PCDH15: variants seen among roughly 807,000 people sequenced by gnomAD.
PCDH15 encodes protocadherin related 15, also known as protocadherin-15.
A neutral mutation model predicts 178.5 loss-of-function variants in PCDH15; 129 were observed. The observed-to-expected ratio is 0.72, with a 90% CI of 0.63 to 0.84. The LOEUF is 0.84. Among genes scored for constraint, PCDH15 ranks in the 40% least tolerant of loss-of-function variants. The pLI is 0.00. For synonymous variants in PCDH15, 800 were observed against 732.0 expected (o/e 1.09, Z -1.50); for missense variants, 2,230 against 2,099.9 (o/e 1.06, Z -1.21).
At chr10:54,793,681 C>CAT (rs993933665) in intron 1 of PCDH15, among the ~76,000 whole-genome samples, 3 of 147,858 alleles carry the variant, frequency 2.0e-5, no homozygotes, top group African/African-American at 4.9e-5. Flanking sequence ...TATATACACA[C>CAT]ATATATATAC....
chr10:54,986,580 G>A (rs1270303363), intron 2 of PCDH15, among the ~76,000 whole-genome samples: 1 of 152,090 alleles, frequency 6.6e-6, no homozygotes, highest in African/African-American at 2.4e-5. Context: ...TAATGAATCA[G>A]TGCTATGATT....
chr10:54,964,981 A>C (rs1838745996), intron 2 of PCDH15, among the ~76,000 whole-genome samples: 1 of 152,196 alleles, frequency 6.6e-6, no homozygotes, highest in African/African-American at 2.4e-5. Context: ...AATTTGTAGA[A>C]TACTTGAAGT....
chr10:54,169,954 T>C (rs1293440457), intron 13 of PCDH15, among the ~76,000 whole-genome samples: 1 of 151,130 alleles, frequency 6.6e-6, no homozygotes, highest in South Asian at 2.1e-4. Flanking sequence ...CCATATACTC[T>C]CCTATCCTCA....
chr10:54,003,450 T>C (rs188537372), intron 20 of PCDH15, among the ~76,000 whole-genome samples: 8 of 152,070 alleles, frequency 5.3e-5, no homozygotes, highest in Admixed American at 5.2e-4. Context: ...CTGCAGAGAT[T>C]CAAGGGATCA....
chr10:54,652,811 T>C (rs2094292221), intron 2 of PCDH15, among the ~76,000 whole-genome samples: 1 of 152,116 alleles, frequency 6.6e-6, no homozygotes, highest in African/African-American at 2.4e-5. Flanking sequence ...AAATTTCTGT[T>C]GTTTAAGCCA....
At position 53,911,884 on chromosome 10, in the gene PCDH15, C is replaced by G. The variant is rs555007974; in HGVS notation, c.3374-8514G>C. Among the ~76,000 whole-genome samples, 12 of 152,286 alleles carry G rather than the reference C, an allele frequency of 7.9e-5. No individual in the cohort carries two copies. In the East Asian group the frequency reaches 2.1e-3, roughly 27 times the overall value. Reference sequence around the variant, plus strand: ...ATAGAGGTACAAAGAGGAGCTGGTACCATTCCTTCTGAAAATATTCCAATC... The same window carrying G: ...ATAGAGGTACAAAGAGGAGCTGGTAGCATTCCTTCTGAAAATATTCCAATC... On this transcript the variant is annotated intron_variant, in intron 25 of 37. Coordinates refer to ENST00000644397, the MANE Select transcript of PCDH15 (RefSeq NM_001384140.1).
intron 17 of PCDH15, among the ~76,000 whole-genome samples, chr10:54,074,813 A>G (rs1344687703): frequency 1.3e-5 from 2 of 152,136 alleles, no homozygotes; most frequent in Admixed American, 1.3e-4. Context: ...TCTCACCAAT[A>G]GTGCACAAGG....
chr10:54,349,003 T>C (rs964410811), intron 5 of PCDH15, among the ~76,000 whole-genome samples: 1 of 152,234 alleles, frequency 6.6e-6, no homozygotes, highest in Admixed American at 6.5e-5. Context: ...TGAAATTTTA[T>C]GATTGGATGA....
intron 2 of PCDH15, among the ~76,000 whole-genome samples, chr10:54,633,685 C>G (rs1038829353): frequency 1.3e-5 from 2 of 152,182 alleles, no homozygotes; most frequent in Admixed American, 1.3e-4. Flanking sequence ...CCCACACAAA[C>G]ACTGGCTCAC....
rs530418451 is a variant in PCDH15 at position 55,082,328 on chromosome 10, T to C, written c.-80+84248A>G. 3.3e-5 allele frequency among the ~76,000 whole-genome samples: 5 copies of C among 151,664 alleles called. No individual in the cohort carries two copies. In the East Asian group the frequency reaches 9.7e-4, roughly 29 times the overall value. On this transcript the variant is annotated intron_variant, in intron 2 of 5. Transcript: ENST00000458638. Reference sequence around the variant, plus strand: ...TGTTCCCAAAGGATCAGTGAGTCCATGAAAAAAATTAGAAGAAAATTAAAG... The same window carrying C: ...TGTTCCCAAAGGATCAGTGAGTCCACGAAAAAAATTAGAAGAAAATTAAAG...
intron 2 of PCDH15, among the ~76,000 whole-genome samples, chr10:55,616,278 G>A (rs1843472368): frequency 6.6e-6 from 1 of 152,130 alleles, no homozygotes. Context: ...ATACCAGGCT[G>A]TACCAATAGA....
chr10:54,240,626 C>CTTTTTTTTTTTTTTTTTTTTT (rs1228784141), intron 8 of PCDH15, among the ~76,000 whole-genome samples: 22 of 79,656 alleles, frequency 2.8e-4, no homozygotes, highest in Non-Finnish European at 3.9e-4. Flanking sequence ...TTTTCTTTTG[C>CTTTTTTTTTTTTTTTTTTTTT]TTTTTTTTTT....
At chr10:55,601,875 G>C (rs755834167) in intron 2 of PCDH15, among the ~76,000 whole-genome samples, 29 of 151,874 alleles carry the variant, frequency 1.9e-4, no homozygotes, top group East Asian at 5.8e-4. Flanking sequence ...ACACACACAC[G>C]GGGGGAGGAG....
intron 1 of PCDH15, among the ~76,000 whole-genome samples, chr10:54,700,288 C>A (rs1017612844): frequency 1.1e-4 from 17 of 152,116 alleles, no homozygotes; most frequent in Non-Finnish European, 2.9e-5. Context: ...CATGAGAACT[C>A]TGGACGCTAA....
intron 32 of PCDH15, chr10:53,821,690 T>G: frequency 7.1e-7 from 1 of 1,416,816 alleles, no homozygotes; most frequent in South Asian, 1.5e-5. Flanking sequence ...ATGAGTGAGT[T>G]AGTAGTGATG....
chr10:53,894,694 A>C (rs915731160), intron 26 of PCDH15, among the ~76,000 whole-genome samples: 2 of 152,204 alleles, frequency 1.3e-5, no homozygotes, highest in Non-Finnish European at 2.9e-5. Context: ...TGTGGTTCTC[A>C]AGTATAACAG....
intron 2 of PCDH15, among the ~76,000 whole-genome samples, chr10:55,423,105 G>T (rs186556841): frequency 6.6e-6 from 1 of 151,866 alleles, no homozygotes; most frequent in East Asian, 1.9e-4. Flanking sequence ...CCTAAAAGAA[G>T]ATACATTGTT....
At chr10:55,585,779 G>A (rs1164038526) in intron 2 of PCDH15, among the ~76,000 whole-genome samples, 5 of 151,770 alleles carry the variant, frequency 3.3e-5, no homozygotes, top group Admixed American at 6.6e-5. Context: ...ATGTGTGTGT[G>A]TATATATATA....
chr10:55,286,944 C>T (rs1588881193), intron 1 of PCDH15, among the ~76,000 whole-genome samples: 2 of 151,986 alleles, frequency 1.3e-5, no homozygotes, highest in African/African-American at 4.8e-5. Context: ...TTTAAACTCT[C>T]AAATCACTTT....
Sources: gnomAD v4.1 joint callset for allele counts (sites outside exome capture counted in the v4.1 genomes callset) on GRCh38, gnomAD v4.1.1 for gene constraint, MANE v1.5 for transcripts, NCBI Gene and HGNC (gene_info 2026-07-23, HGNC 2026-07-21) for gene names.